Variants in CAMTA1 observed in about 807,000 individuals in gnomAD.
CAMTA1 encodes calmodulin binding transcription activator 1.
CAMTA1 carries 27 observed loss-of-function variants against 170.9 expected under a neutral mutation model. That is an observed-to-expected ratio of 0.16 (90% CI 0.12 to 0.22). The LOEUF (loss-of-function observed/expected upper bound fraction) is 0.22, where lower values mean the gene tolerates loss of function less well. Ranked by LOEUF, CAMTA1 falls within the 10% of genes least tolerant of loss-of-function variation. CAMTA1 has a pLI of 1.00. For missense variants in CAMTA1, 1,619 were observed against 2,217.2 expected, an observed-to-expected ratio of 0.73 and a Z score of 5.42; for synonymous variants, 833 against 891.5, an observed-to-expected ratio of 0.93 and a Z score of 1.17.
rs1296515535 is a variant in CAMTA1 at position 6,840,122 on chromosome 1, C to T, written c.234+14912C>T. On this transcript the variant is annotated intron_variant, in intron 3 of 22. Coordinates refer to ENST00000303635, the MANE Select transcript of CAMTA1 (RefSeq NM_015215.4). ...GCTGAGGCAGGAGAATTGCTTGAAC[C>T]TGGGAGGCAGAGGTTGCAGTGAGTC... 2.6e-5 allele frequency among the ~76,000 whole-genome samples: 4 copies of T among 152,114 alleles called. No individual in the cohort carries two copies. In the East Asian group the frequency reaches 5.8e-4, roughly 22 times the overall value.
chr1:7,620,895 AC>A (rs1450219290), intron 6 of CAMTA1, among the ~76,000 whole-genome samples: 1 of 152,226 alleles, frequency 6.6e-6, no homozygotes, highest in Non-Finnish European at 1.5e-5. Flanking sequence ...GACAGTTCAG[AC>A]CAAGCCAGAA....
At chr1:6,910,128 C>G (rs997808403) in intron 3 of CAMTA1, among the ~76,000 whole-genome samples, 2 of 152,226 alleles carry the variant, frequency 1.3e-5, no homozygotes, top group African/African-American at 4.8e-5. Flanking sequence ...ACTTGCTGTC[C>G]TCTTGGAGTT....
In CAMTA1 at chr1:7,755,656, G is replaced by T. The variant is rs373331254; in HGVS notation, c.4977G>T (p.Arg1659Ser). ...RCRHSPLVDH[R>S]LYKRSERIEK... ...TCTAAAGCCCCCTGGTGGACCATAG[G>T]CTGTACAAAAGGGTGAGTTTAGCTG... Residue 1659 changes from arginine (R) to serine (S), a missense_variant, in exon 22 of 23, where the codon AGG becomes AGT. Transcript: ENST00000303635. 46 of 1,613,756 alleles carry T rather than the reference G, an allele frequency of 2.9e-5. No individual in the cohort carries two copies. Among genetic ancestry groups the T allele is most frequent in the Non-Finnish European group, 3.6e-5 (42 of 1,179,846 alleles).
rs191449169 is a variant in CAMTA1 at position 6,956,492 on chromosome 1, T to A, written c.234+131282T>A. Reference sequence around the variant, plus strand: ...GTTAACAACAGTAATTACAGTATAGTTGTGAGATGAAAACATGACTAAATT... The same window carrying A: ...GTTAACAACAGTAATTACAGTATAGATGTGAGATGAAAACATGACTAAATT... On this transcript the variant is annotated intron_variant, in intron 3 of 22. Coordinates refer to ENST00000303635, the MANE Select transcript of CAMTA1 (RefSeq NM_015215.4). Among the ~76,000 whole-genome samples, 135 of 152,174 alleles carry A rather than the reference T, an allele frequency of 8.9e-4. 1 individual carries two copies. Among genetic ancestry groups the A allele is most frequent in the Non-Finnish European group, 1.2e-4 (8 of 68,016 alleles).
rs3061932 is a variant in CAMTA1, at chr1:6,822,794, C to CCACACA, written c.116-2271_116-2266dup. Among the ~76,000 whole-genome samples, 495 of 146,578 alleles carry CCACACA rather than the reference C, an allele frequency of 3.4e-3. 1 individual carries two copies. The highest frequency in any genetic ancestry group is 6.4e-3 in the African/African-American group (253 of 39,814). On this transcript the variant is annotated intron_variant, in intron 2 of 22. Coordinates refer to ENST00000303635, the MANE Select transcript of CAMTA1 (RefSeq NM_015215.4). ...GAAGAGTACCTTTATTACATAAATA[C>CCACACA]CACACACACACACACACACACACAC...
chr1:7,653,431 G>A (rs2095860102), intron 7 of CAMTA1, among the ~76,000 whole-genome samples: 1 of 151,982 alleles, frequency 6.6e-6, no homozygotes, highest in South Asian at 2.1e-4. Context: ...CCAGACTAAT[G>A]TTTTTATTTT....
At chr1:7,359,701 C>T (rs1574912134) in intron 5 of CAMTA1, among the ~76,000 whole-genome samples, 1 of 152,288 alleles carries the variant, frequency 6.6e-6, no homozygotes, top group East Asian at 1.9e-4. Flanking sequence ...CAACAGCTTC[C>T]TGAGAGCTGG....
Position 7,093,942 on chromosome 1 carries a change from T to G in CAMTA1, c.302+2571T>G, listed in dbSNP as rs1168119205. 6.6e-6 allele frequency among the ~76,000 whole-genome samples: 1 copy of G among 152,220 alleles called. No homozygotes were observed. Among genetic ancestry groups the G allele is most frequent in the African/African-American group, 2.4e-5 (1 of 41,452 alleles). On this transcript the variant is annotated intron_variant, in intron 4 of 22. Transcript: ENST00000303635. This position sits in a 1 kb window ranked among gnomAD's most constrained non-coding sequence, Gnocchi z 4.6. Reference sequence around the variant, plus strand: ...TTGCTGGGTCACGATGAGGATTGAATGTGGTCACGTTTCTGATTCTGCTTC... The same window carrying G: ...TTGCTGGGTCACGATGAGGATTGAAGGTGGTCACGTTTCTGATTCTGCTTC...
intron 3 of CAMTA1, among the ~76,000 whole-genome samples, chr1:7,073,489 G>A (rs1283823534): frequency 6.6e-6 from 1 of 152,090 alleles, no homozygotes; most frequent in East Asian, 1.9e-4. Flanking sequence ...ACAAGGCCCA[G>A]GGGAGATTTG....
Position 7,325,421 on chromosome 1 carries a change from A to C in CAMTA1, c.438+75795A>C, listed in dbSNP as rs546010973. 1.1e-4 allele frequency among the ~76,000 whole-genome samples: 17 copies of C among 152,306 alleles called. No individual in the cohort carries two copies. Among genetic ancestry groups the C allele is most frequent in the Middle Eastern group, 3.4e-3 (1 of 292 alleles). On this transcript the variant is annotated intron_variant, in intron 5 of 22. Coordinates refer to ENST00000303635, the MANE Select transcript of CAMTA1 (RefSeq NM_015215.4). The surrounding 1 kb of genome is among the most constrained non-coding windows in gnomAD (Gnocchi z 5.0). ...GGAGGGGAAACACTGAGGTGGAGGG[A>C]CAGCCAGTACAGAGTTTTAAACTGG... is the stretch of plus-strand genomic sequence containing the variant.
intron 16 of CAMTA1, among the ~76,000 whole-genome samples, chr1:7,744,250 G>T (rs949663936): frequency 6.6e-6 from 1 of 151,030 alleles, no homozygotes; most frequent in African/African-American, 2.4e-5. Flanking sequence ...TCCTGCCTCA[G>T]CCTCCCACGT....
In CAMTA1 at chr1:6,948,906, C is replaced by T. The variant is rs933532963; in HGVS notation, c.234+123696C>T. Among the ~76,000 whole-genome samples, 20 of 152,330 alleles carry T rather than the reference C, an allele frequency of 1.3e-4. No homozygotes were observed. In the East Asian group the frequency reaches 1.3e-3, roughly 10 times the overall value. On this transcript the variant is annotated intron_variant, in intron 3 of 22. Coordinates refer to ENST00000303635, the MANE Select transcript of CAMTA1 (RefSeq NM_015215.4). ...AAGATGGATAAAAGAGCAATTCCCA[C>T]GAGGCCAGCCTTGGCAGGTGCTGTT...
intron 5 of CAMTA1, among the ~76,000 whole-genome samples, chr1:7,405,501 GT>G (rs1332418502): frequency 2.6e-5 from 4 of 151,832 alleles, no homozygotes; most frequent in Non-Finnish European, 5.9e-5. Flanking sequence ...CTCCAGAATA[GT>G]TGATACTACA....
At chr1:7,131,204 G>C (rs557650534) in intron 4 of CAMTA1, among the ~76,000 whole-genome samples, 1 of 151,952 alleles carries the variant, frequency 6.6e-6, no homozygotes, top group Non-Finnish European at 1.5e-5. Flanking sequence ...CACCCACCTC[G>C]GCCTCCCAAA....
At chr1:7,313,440 G>A (rs748252477) in intron 5 of CAMTA1, among the ~76,000 whole-genome samples, 1 of 152,276 alleles carries the variant, frequency 6.6e-6, no homozygotes, top group South Asian at 2.1e-4. Context: ...TGCACTCCAC[G>A]GCTTTGCCTG....
chr1:7,195,995 C>T lies in CAMTA1; in HGVS notation c.303-53496C>T, dbSNP rs573264494. On this transcript the variant is annotated intron_variant, in intron 4 of 22. Transcript: ENST00000303635. The surrounding 1 kb of genome is among the most constrained non-coding windows in gnomAD (Gnocchi z 4.1). ...TCATCCCACTGCACTCCAGCCTGGGCAACACAGTGAGATACTGTCTCAAAG... is the reference window on the plus strand; with the variant it reads ...TCATCCCACTGCACTCCAGCCTGGGTAACACAGTGAGATACTGTCTCAAAG... Among the ~76,000 whole-genome samples, 71 of 151,976 alleles carry T rather than the reference C, an allele frequency of 4.7e-4. No homozygotes were observed. Among genetic ancestry groups the T allele is most frequent in the African/African-American group, 1.6e-3 (65 of 41,454 alleles).
At chr1:6,923,172 TGCACTTGTTGA>T (rs776817445) in intron 3 of CAMTA1, among the ~76,000 whole-genome samples, 6 of 152,196 alleles carry the variant, frequency 3.9e-5, no homozygotes, top group Non-Finnish European at 8.8e-5. Flanking sequence ...CCCACACTTG[TGCACTTGTTGA>T]GCGCTTGCTG....
chr1:7,538,967 G>A (rs2094578851), intron 6 of CAMTA1, among the ~76,000 whole-genome samples: 1 of 119,026 alleles, frequency 8.4e-6, no homozygotes. Context: ...CCTGGCCAGA[G>A]GGGTCCCAGC....
At chr1:7,103,033 C>T (rs1293903558) in intron 4 of CAMTA1, among the ~76,000 whole-genome samples, 2 of 151,644 alleles carry the variant, frequency 1.3e-5, no homozygotes, top group Non-Finnish European at 2.9e-5. Flanking sequence ...GGGAGTGCTA[C>T]AAGGGTCAAG....
Sources: gnomAD v4.1 joint callset for allele counts (sites outside exome capture counted in the v4.1 genomes callset) on GRCh38, gnomAD v4.1.1 for gene constraint, Gnocchi (gnomAD v3.1) non-coding constraint, MANE v1.5 for transcripts, NCBI Gene and HGNC (gene_info 2026-07-23, HGNC 2026-07-21) for gene names.